The following STAB2 variants were observed in gnomAD, a reference collection of about 807,000 sequenced individuals.
STAB2 encodes stabilin-2.
Under a neutral mutation model 338.1 loss-of-function variants are expected in STAB2, and 288 were observed. The ratio of observed to expected loss-of-function variants is 0.85; its 90% confidence interval spans 0.77 to 0.94. STAB2 has a LOEUF of 0.94. Ranked by LOEUF, STAB2 falls within the 40% of genes least tolerant of loss-of-function variation. STAB2 has a pLI of 0.00. For missense variants in STAB2, 3,141 were observed against 3,210.1 expected (o/e 0.98, Z 0.52); for synonymous variants, 1,202 against 1,193.3 (o/e 1.01, Z -0.15).
intron 56 of STAB2, among the ~76,000 whole-genome samples, chr12:103,743,202 A>G (rs1275297466): frequency 6.6e-6 from 1 of 151,870 alleles, no homozygotes; most frequent in Non-Finnish European, 1.5e-5. Context: ...TTATATTTTT[A>G]GTAGAGACAG....
At position 103,676,058 on chromosome 12, in the gene STAB2, C is replaced by CTTTT. The variant is rs35874368; in HGVS notation, c.2646+55_2646+58dup. ...TCTTCATTTCCACCCTGCCTGGTTTCTTTTTTTTTTTTTTTTTTTTTGAGA... is the reference window on the plus strand; with the variant it reads ...TCTTCATTTCCACCCTGCCTGGTTTCTTTTTTTTTTTTTTTTTTTTTTTTTGAGA... On this transcript the variant is annotated intron_variant, in intron 24 of 68. Coordinates refer to ENST00000388887, the MANE Select transcript of STAB2 (RefSeq NM_017564.10). The CTTTT allele has an allele frequency of 5.4e-3, 3,573 of 667,848 alleles. 8 individuals are homozygous for CTTTT. Among genetic ancestry groups the CTTTT allele is most frequent in the South Asian group, 0.014 (627 of 44,568 alleles). 41.4% of individuals were successfully genotyped at this position (667,848 alleles called of 1,614,324 possible).
At chr12:103,725,481 GAC>G (rs1881109302) in intron 45 of STAB2, among the ~76,000 whole-genome samples, 1 of 152,230 alleles carries the variant, frequency 6.6e-6, no homozygotes, top group Non-Finnish European at 1.5e-5. Flanking sequence ...ATGTGCAAAG[GAC>G]ACAGAGTGCT....
At chr12:103,698,969 T>C in intron 33 of STAB2, 127 bp from the exon 34 acceptor site, 3 of 1,183,554 alleles carry the variant, frequency 2.5e-6, no homozygotes, top group Non-Finnish European at 3.5e-6. Flanking sequence ...TTAATACCTC[T>C]GTCAAAACTT....
At chr12:103,739,572 T>C (rs12297452) in intron 54 of STAB2, 104 bp downstream of exon 54, 18,251 of 732,620 alleles carry the variant, frequency 0.025, 215 homozygotes, top group African/African-American at 0.078. Context: ...TGTGTGTGTG[T>C]GCCCGTGCAC....
intron 66 of STAB2, 123 bp downstream of exon 66, chr12:103,761,533 A>G (rs1884541609): frequency 2.4e-6 from 2 of 839,426 alleles, no homozygotes; most frequent in Non-Finnish European, 3.7e-6. Context: ...AGGAGCCTCC[A>G]GCCTCCAACC....
chr12:103,655,421 G>A (rs1874103631), intron 14 of STAB2, 35 bp from the exon 15 acceptor site: 1 of 1,612,602 alleles, frequency 6.2e-7, no homozygotes, highest in East Asian at 2.2e-5. Context: ...GTCCAAGGTA[G>A]GCTGCAGATA....
intron 34 of STAB2, 84 bp from the exon 35 acceptor site, chr12:103,703,064 G>A: frequency 6.9e-7 from 1 of 1,447,572 alleles, no homozygotes; most frequent in Non-Finnish European, 9.3e-7. Flanking sequence ...CTAGGCAATT[G>A]TCCTATTGCT....
intron 48 of STAB2, 131 bp from the exon 49 acceptor site, chr12:103,729,985 C>A: frequency 1.3e-6 from 1 of 775,842 alleles, no homozygotes; most frequent in Non-Finnish European, 1.9e-6. Context: ...TAAAAATACA[C>A]TCAAGTATTA....
At chr12:103,744,770 G>A (rs1245708965) in intron 56 of STAB2, among the ~76,000 whole-genome samples, 2 of 152,148 alleles carry the variant, frequency 1.3e-5, no homozygotes, top group African/African-American at 4.8e-5. Context: ...ACCACACCCA[G>A]CCAAAATTTT....
chr12:103,608,444 T>A (rs1052195080), intron 3 of STAB2, among the ~76,000 whole-genome samples: 1 of 152,206 alleles, frequency 6.6e-6, no homozygotes, highest in Non-Finnish European at 1.5e-5. Flanking sequence ...GCCCAGCCTA[T>A]GATAAGCATT....
At chr12:103,752,135 AG>A (rs1883720006) in intron 60 of STAB2, among the ~76,000 whole-genome samples, 1 of 152,244 alleles carries the variant, frequency 6.6e-6, no homozygotes, top group Non-Finnish European at 1.5e-5. Flanking sequence ...AATTGAAAAA[AG>A]ATAAGCATAC....
rs192250518 is a variant in STAB2, at chr12:103,695,968, T to A, written c.3582+124T>A. The stretch of plus-strand genomic sequence containing the variant: ...CTTGTCCATAGCCACATACTTGACG[T>A]AGACTGGTGCAGAGACTCTCTCATA... On this transcript the variant is annotated intron_variant, in intron 33 of 68. Coordinates refer to ENST00000388887, the MANE Select transcript of STAB2 (RefSeq NM_017564.10). 35 of 897,622 alleles carry A rather than the reference T, an allele frequency of 3.9e-5. No individual in the cohort carries two copies. In the African/African-American group the frequency reaches 5.5e-4, roughly 14 times the overall value. The allele number at this position is 897,622 out of a possible 1,614,324, so 55.6% of individuals were successfully genotyped here.
chr12:103,712,428 G>A lies in STAB2; in HGVS notation c.4396G>A (p.Gly1466Arg), dbSNP rs772354918. 42 of 1,613,732 alleles carry A rather than the reference G, an allele frequency of 2.6e-5. No individual in the cohort carries two copies. The highest frequency in any genetic ancestry group is 2.3e-4 in the South Asian group (21 of 91,080). Residue 1466 changes from glycine (G) to arginine (R), a missense_variant, in exon 41 of 69, where the codon GGG becomes AGG. Gly to Arg is a moderately radical substitution (Grantham distance 125). Coordinates refer to ENST00000388887, the MANE Select transcript of STAB2 (RefSeq NM_017564.10). ...GTGTGCAGCAGGATTCCAAGGAAAC[G>A]GGACCATCTGCACAGGCAAGCGAAG... ...CKCAAGFQGNGTICTAINACE... is the reference protein window; with the variant it reads ...CKCAAGFQGNRTICTAINACE...
intron 10 of STAB2, 59 bp from the exon 11 acceptor site, chr12:103,650,434 ACTC>A (rs1873651065): frequency 6.8e-7 from 1 of 1,460,572 alleles, no homozygotes; most frequent in Non-Finnish European, 9.6e-7. Flanking sequence ...GCCTGATTTT[ACTC>A]CTCCTGTACC....
chr12:103,672,808 G>A lies in STAB2; in HGVS notation c.2372-1099G>A, dbSNP rs188572063. ...ATTGAAAGCAAATTCAGCAGCTAAG[G>A]TTTAAAATGATAACGGTGATATGGA... On this transcript the variant is annotated intron_variant, in intron 22 of 68. Transcript: ENST00000388887. 2.0e-5 allele frequency among the ~76,000 whole-genome samples: 3 copies of A among 152,260 alleles called. No homozygotes were observed. In the East Asian group the frequency reaches 5.8e-4, roughly 29 times the overall value.
chr12:103,639,532 G>A (rs1287630557), intron 8 of STAB2, among the ~76,000 whole-genome samples: 5 of 151,716 alleles, frequency 3.3e-5, no homozygotes, highest in South Asian at 2.1e-4. Context: ...GCGAAACCTC[G>A]TCTCTACTAA....
At chr12:103,711,387 T>A in intron 39 of STAB2, 84 bp from the exon 40 acceptor site, 2 of 1,570,264 alleles carry the variant, frequency 1.3e-6, no homozygotes, top group South Asian at 1.1e-5. Flanking sequence ...TCCAAAGAAG[T>A]AGCTTTTCTG....
chr12:103,607,667 G>A (rs1957052826), intron 3 of STAB2, among the ~76,000 whole-genome samples: 1 of 152,022 alleles, frequency 6.6e-6, no homozygotes, highest in Non-Finnish European at 1.5e-5. Flanking sequence ...ATAGTTTGCT[G>A]AGAGTGATGG....
intron 60 of STAB2, among the ~76,000 whole-genome samples, chr12:103,751,398 GAACT>G (rs777579823): frequency 2.0e-5 from 3 of 152,126 alleles, no homozygotes; most frequent in African/African-American, 7.2e-5. Flanking sequence ...GAGGTTGAAA[GAACT>G]AACAATGGAC....
Sources: gnomAD v4.1 joint callset for allele counts (sites outside exome capture counted in the v4.1 genomes callset) on GRCh38, gnomAD v4.1.1 for gene constraint, MANE v1.5 for transcripts, NCBI Gene and HGNC (gene_info 2026-07-23, HGNC 2026-07-21) for gene names.